IGFALS: variants seen among roughly 807,000 people sequenced by gnomAD.
IGFALS encodes insulin-like growth factor-binding protein complex acid labile subunit.
A neutral mutation model predicts 2.6 loss-of-function variants in IGFALS; 2 were observed. The observed-to-expected ratio is 0.77, with a 90% CI of 0.32 to 2.44. The LOEUF (loss-of-function observed/expected upper bound fraction) is 2.44, where lower values mean the gene tolerates loss of function less well. Among genes scored for constraint, IGFALS ranks in the 30% most tolerant of loss-of-function variants. The pLI, the probability that IGFALS is intolerant of heterozygous loss-of-function variation, is 0.11. For synonymous variants in IGFALS, 519 were observed against 431.9 expected (o/e 1.20, Z -2.50); for missense variants, 996 against 848.7 (o/e 1.17, Z -2.16).
chr16:1,792,586 C>A, intron 1 of IGFALS, 185 bp from the exon 2 acceptor site: 1 of 1,196,104 alleles, frequency 8.4e-7, no homozygotes, highest in Non-Finnish European at 1.1e-6. Context: ...CTTCCCACCC[C>A]ATGGGACAGA....
chr16:1,791,301 A>G lies in IGFALS; in HGVS notation c.1117T>C (p.Cys373Arg), dbSNP rs748115182. 2 of 1,608,898 alleles carry G rather than the reference A, an allele frequency of 1.2e-6. No homozygotes were observed. The highest frequency in any genetic ancestry group is 8.5e-7 in the Non-Finnish European group (1 of 1,179,932). The change falls in exon 2 of 2, where the codon TGT becomes CGT. Residue 373 changes from cysteine (C) to arginine (R), a missense_variant. Transcript: ENST00000215539. ...ACCTGCTCCGGAAGGTTCCGGAGACAGTTCCCAGAGAGGTTCATGACCGCC... is the reference window on the plus strand; with the variant it reads ...ACCTGCTCCGGAAGGTTCCGGAGACGGTTCCCAGAGAGGTTCATGACCGCC... Reference protein sequence around the residue: ...NVAVMNLSGNCLRNLPEQVFR... With the variant: ...NVAVMNLSGNRLRNLPEQVFR...
At chr16:1,794,091 G>A (rs985764870), upstream of IGFALS, among the ~76,000 whole-genome samples, 5 of 152,074 alleles carry the variant, frequency 3.3e-5, no homozygotes, top group African/African-American at 9.7e-5. Context: ...CTGGGGTCTT[G>A]AGCCCACCCC....
chr16:1,792,044 C>T lies in IGFALS; in HGVS notation c.374G>A (p.Cys125Tyr). The change falls in exon 2 of 2, where the codon TGC (cysteine) becomes TAC (tyrosine). Residue 125 changes from cysteine (C) to tyrosine (Y), a missense_variant. Cys to Tyr is a radical substitution (Grantham distance 194). Coordinates refer to ENST00000215539, the MANE Select transcript of IGFALS (RefSeq NM_004970.3). ...CTGGTTCCGCTCCAGGTGCAGGTGG[C>T]ACAGGTTCTCTAGGCCCAGCAGCGC... ...PQALLGLENL[C>Y]HLHLERNQLR... 6.2e-7 allele frequency: 1 copy of T among 1,610,682 alleles called. No individual in the cohort carries two copies. Among genetic ancestry groups the T allele is most frequent in the Non-Finnish European group, 8.5e-7 (1 of 1,179,502 alleles).
upstream of IGFALS, among the ~76,000 whole-genome samples, chr16:1,793,992 G>T (rs1408464184): frequency 6.6e-6 from 1 of 152,148 alleles, no homozygotes; most frequent in Non-Finnish European, 1.5e-5. Context: ...CCTTGCAGCA[G>T]CCTGGGAGGG....
chr16:1,791,693 G>A lies in IGFALS; in HGVS notation c.725C>T (p.Pro242Leu), dbSNP rs909612517. The A allele has an allele frequency of 2.1e-5, 33 of 1,576,508 alleles. No individual in the cohort carries two copies. The highest frequency in any genetic ancestry group is 2.7e-5 in the Non-Finnish European group (31 of 1,165,594). ...AIKANVFVQL[P>L]RLQKLYLDRN... Reference sequence around the variant, plus strand: ...GTCCAGGTAGAGTTTCTGGAGCCGGGGCAGCTGCACGAACACGTTTGCCTT... The same window carrying A: ...GTCCAGGTAGAGTTTCTGGAGCCGGAGCAGCTGCACGAACACGTTTGCCTT... The change falls in exon 2 of 2, where the codon CCC becomes CTC. Residue 242 changes from proline (P) to leucine (L), a missense_variant. By Grantham distance (98) the Pro-to-Leu change is moderately conservative (BLOSUM62 -3). Transcript: ENST00000215539.
intron 1 of IGFALS, among the ~76,000 whole-genome samples, chr16:1,793,395 C>T (rs976768003): frequency 1.1e-4 from 16 of 152,236 alleles, no homozygotes; most frequent in African/African-American, 3.9e-4. Context: ...CTCCCCTGTG[C>T]CGCCGCCAGC....
At position 1,791,371 on chromosome 16, in the gene IGFALS, C is replaced by T. The variant is rs770783693; in HGVS notation, c.1047G>A (p.Gln349=). The T allele has an allele frequency of 2.5e-6, 4 of 1,609,368 alleles. No individual in the cohort carries two copies. Among genetic ancestry groups the T allele is most frequent in the South Asian group, 2.2e-5 (2 of 91,088 alleles). ...AAGCGCCCGCCTTGACCTCCTGGAG[C>T]TGGTTGTGGTCTAGCGTGAGCACCT... ...QLEVLTLDHN[Q]LQEVKAGAFL... The change falls in exon 2 of 2, where the codon CAG becomes CAA. Residue 349 remains glutamine (Q), a synonymous_variant. Transcript: ENST00000215539.
At position 1,791,703 on chromosome 16, in the gene IGFALS, C is replaced by G; in HGVS notation, c.715G>C (p.Val239Leu). 6.4e-7 allele frequency: 1 copy of G among 1,572,152 alleles called. No homozygotes were observed. The highest frequency in any genetic ancestry group is 2.3e-5 in the East Asian group (1 of 42,566). Residue 239 changes from valine (V) to leucine (L), a missense_variant, in exon 2 of 2, where the codon GTG (valine) becomes CTG (leucine). Physicochemically the swap from Val to Leu is conservative, Grantham distance 32 (BLOSUM62 1). Transcript: ENST00000215539. ...AGTTTCTGGAGCCGGGGCAGCTGCA[C>G]GAACACGTTTGCCTTGATGGCCCGC... ...ALRAIKANVF[V>L]QLPRLQKLYL...
At position 1,791,196 on chromosome 16, in the gene IGFALS, C is replaced by T. The variant is rs753426055; in HGVS notation, c.1222G>A (p.Gly408Ser). The change falls in exon 2 of 2, where the codon GGC (glycine) becomes AGC (serine). Residue 408 changes from glycine to serine, a missense_variant. Coordinates refer to ENST00000215539, the MANE Select transcript of IGFALS (RefSeq NM_004970.3). ...AAGAGTCGGCGGAGCCCCGAGAGGC[C>T]GGTGAAGGTGTGCGGGCGGATGCGT... ...LGRIRPHTFT[G>S]LSGLRRLFLK... is the part of the protein sequence containing the mutation. 39 of 1,607,708 alleles carry T rather than the reference C, an allele frequency of 2.4e-5. No individual in the cohort carries two copies. The highest frequency in any genetic ancestry group is 1.2e-4 in the Admixed American group (7 of 59,982).
chr16:1,794,752 C>T (rs564313964), upstream of IGFALS: 124 of 681,686 alleles, frequency 1.8e-4, no homozygotes, highest in Admixed American at 3.9e-4. Flanking sequence ...GGGAAGCAGC[C>T]GGAAGGGGTG....
At chr16:1,793,835 C>T, upstream of IGFALS, 1 of 552,492 alleles carries the variant, frequency 1.8e-6, no homozygotes, top group South Asian at 2.5e-5. Flanking sequence ...AGCCCGGAGC[C>T]CTGGGGTGCA....
At chr16:1,793,874 T>G (rs574220203), upstream of IGFALS, 28 of 427,778 alleles carry the variant, frequency 6.5e-5, no homozygotes, top group South Asian at 1.5e-3. Flanking sequence ...GGAGCTTCAG[T>G]CGGGGCCCGA....
At position 1,790,729 on chromosome 16, in the gene IGFALS, C is replaced by G. The variant is rs1897199646; in HGVS notation, c.1689G>C (p.Gln563His). ...QNPSAVPRFVQAICEGDDCQP... is the reference protein window; with the variant it reads ...QNPSAVPRFVHAICEGDDCQP... ...GGCAATCGTCCCCCTCACAGATGGC[C>G]TGGACGAAGCGGGGCACAGCACTGG... The change falls in exon 2 of 2, where the codon CAG becomes CAC. Residue 563 changes from glutamine to histidine, a missense_variant. Physicochemically the swap from Gln to His is conservative, Grantham distance 24. Coordinates refer to ENST00000215539, the MANE Select transcript of IGFALS (RefSeq NM_004970.3). 6.2e-7 allele frequency: 1 copy of G among 1,607,240 alleles called. No individual in the cohort carries two copies. The highest frequency in any genetic ancestry group is 1.3e-5 in the African/African-American group (1 of 74,858).
chr16:1,794,273 G>A (rs939341836), upstream of IGFALS, among the ~76,000 whole-genome samples: 3 of 152,178 alleles, frequency 2.0e-5, no homozygotes, highest in Non-Finnish European at 2.9e-5. Context: ...CCTCTCCCGT[G>A]ACCCCAGGGG....
rs768231769 is a variant in IGFALS, at chr16:1,791,460, G to A, written c.958C>T (p.Gln320Ter). ...FKDLHFLEEL[Q>*]LGHNRIRQLA... is the part of the protein sequence containing the mutation. ...TGCCGGATGCGGTTGTGGCCCAGCT[G>A]CAGCTCCTCCAGGAAGTGCAGGTCC... Residue 320 changes from glutamine (Q) to a stop codon, truncating the protein, a stop_gained, in exon 2 of 2, where the codon CAG becomes TAG. Transcript: ENST00000215539. LOFTEE classifies it low-confidence loss of function (END_TRUNC). 6.2e-7 allele frequency: 1 copy of A among 1,612,358 alleles called. No individual in the cohort carries two copies. Among genetic ancestry groups the A allele is most frequent in the Admixed American group, 1.7e-5 (1 of 60,000 alleles).
At position 1,793,646 on chromosome 16, in the gene IGFALS, G is replaced by C. The variant is rs780843384; in HGVS notation, c.7C>G (p.Leu3Val). 3 of 1,597,296 alleles carry C rather than the reference G, an allele frequency of 1.9e-6. No individual in the cohort carries two copies. Among genetic ancestry groups the C allele is most frequent in the South Asian group, 1.1e-5 (1 of 88,630 alleles). ...CACTCGGGGGCCTCACCTTTCCTCA[G>C]GGCCATCCTGCATGCAGGGCAGGCT... The part of the protein sequence containing the change: MA[L>V]RKGGLALALL... The change falls in exon 1 of 2, where the codon CTG becomes GTG. Residue 3 changes from leucine to valine, a missense_variant. Physicochemically the swap from Leu to Val is conservative, Grantham distance 32. Coordinates refer to ENST00000215539, the MANE Select transcript of IGFALS (RefSeq NM_004970.3).
intron 1 of IGFALS, among the ~76,000 whole-genome samples, chr16:1,793,006 C>G (rs1458537236): frequency 1.3e-5 from 2 of 152,188 alleles, no homozygotes; most frequent in Admixed American, 1.3e-4. Context: ...CGTCGGCCAC[C>G]AAAGCTCACA....
chr16:1,793,673 CAGGCA>C lies in IGFALS; in HGVS notation c.-26_-22del, dbSNP rs1418594527. ...GCCATCCTGCATGCAGGGCAGGCTG[CAGGCA>C]GGCAGCGAGGGAGGGTACGTCTGCT... On this transcript the variant is annotated 5_prime_UTR_variant, in exon 1 of 2. Transcript: ENST00000215539. 24 of 1,584,378 alleles carry C rather than the reference CAGGCA, an allele frequency of 1.5e-5. No homozygotes were observed. The African/African-American group carries it at 3.0e-4, about 20-fold the overall frequency.
Position 1,791,079 on chromosome 16 carries a change from T to A in IGFALS, c.1339A>T (p.Thr447Ser), listed in dbSNP as rs747262165. Reference sequence around the variant, plus strand: ...TGGAAGAGGCGGTGGGGCAGGTGCGTGAGCTGGTTGGAGGTCAGGTCGAGC... The same window carrying A: ...TGGAAGAGGCGGTGGGGCAGGTGCGAGAGCTGGTTGGAGGTCAGGTCGAGC... ...LELDLTSNQL[T>S]HLPHRLFQGL... The change falls in exon 2 of 2, where the codon ACG becomes TCG. Residue 447 changes from threonine to serine, a missense_variant. Transcript: ENST00000215539. The A allele has an allele frequency of 6.3e-7, 1 of 1,599,072 alleles. No individual in the cohort carries two copies. Among genetic ancestry groups the A allele is most frequent in the Admixed American group, 1.7e-5 (1 of 59,988 alleles).
Sources: gnomAD v4.1 joint callset for allele counts (sites outside exome capture counted in the v4.1 genomes callset) on GRCh38, gnomAD v4.1.1 for gene constraint, MANE v1.5 for transcripts, NCBI Gene and HGNC (gene_info 2026-07-23, HGNC 2026-07-21) for gene names.